Variants in BRSK1 observed in about 807,000 individuals in gnomAD.
The protein encoded by BRSK1 is serine/threonine-protein kinase BRSK1.
In BRSK1, 17 loss-of-function variants were observed where a neutral mutation model predicts 86.2. The observed-to-expected ratio is 0.20, with a 90% CI of 0.14 to 0.30. BRSK1 has a LOEUF of 0.30. Ranked by LOEUF, BRSK1 falls within the 10% of genes least tolerant of loss-of-function variation. The pLI is 1.00. For missense variants in BRSK1, 719 were observed against 1,071.9 expected (o/e 0.67, Z 4.60); for synonymous variants, 464 against 440.1 (o/e 1.05, Z -0.68).
Position 55,304,455 on chromosome 19 carries a change from C to G in BRSK1, c.1348-96C>G. ...TTGGACTACAAGTTGCAGCATGCAC[C>G]GGGCCAGCGTCCGTGAGTGTGCGTG... On this transcript the variant is annotated intron_variant, in intron 13 of 18. Coordinates refer to ENST00000309383, the MANE Select transcript of BRSK1 (RefSeq NM_032430.2). The surrounding 1 kb of genome is among the most constrained non-coding windows in gnomAD (Gnocchi z 5.2). The G allele has an allele frequency of 2.2e-6, 3 of 1,368,444 alleles. No homozygotes were observed. The highest frequency in any genetic ancestry group is 2.9e-6 in the Non-Finnish European group (3 of 1,031,134). The allele number at this position is 1,368,444 out of a possible 1,614,324, so 84.8% of individuals were successfully genotyped here.
In BRSK1 at chr19:55,312,190, T is replaced by G; in HGVS notation, c.*122T>G. Reference sequence around the variant, plus strand: ...GGGGGGTGGACACAAAAACCGGCCTTGCCCTGCAGGGATGGGGCTCCACAG... The same window carrying G: ...GGGGGGTGGACACAAAAACCGGCCTGGCCCTGCAGGGATGGGGCTCCACAG... On this transcript the variant is annotated 3_prime_UTR_variant, in exon 19 of 19. Coordinates refer to ENST00000309383, the MANE Select transcript of BRSK1 (RefSeq NM_032430.2). 2.0e-5 allele frequency: 10 copies of G among 510,006 alleles called. No homozygotes were observed. The highest frequency in any genetic ancestry group is 3.8e-5 in the Admixed American group (1 of 26,000). The allele number at this position is 510,006 out of a possible 1,614,324, so 31.6% of individuals were successfully genotyped here.
In BRSK1 at chr19:55,287,490, G is replaced by T. The variant is rs976643486; in HGVS notation, c.317+191G>T. Among the ~76,000 whole-genome samples the T allele has an allele frequency of 1.3e-5, 2 of 152,162 alleles. No homozygotes were observed. Among genetic ancestry groups the T allele is most frequent in the African/African-American group, 4.8e-5 (2 of 41,444 alleles). On this transcript the variant is annotated intron_variant, in intron 3 of 18. Transcript: ENST00000309383. This position sits in a 1 kb window ranked among gnomAD's most constrained non-coding sequence, Gnocchi z 5.3. ...ACACAGGGAACCCCACTGTTGTCAC[G>T]CTGTGTTGGGCCTGAGGCCAAGGGC...
chr19:55,295,689 C>T (rs553497387), intron 7 of BRSK1, among the ~76,000 whole-genome samples: 1 of 152,124 alleles, frequency 6.6e-6, no homozygotes. Context: ...ATAACCAGGC[C>T]GGGCACGGAG....
Position 55,284,318 on chromosome 19 carries a change from C to A in BRSK1, c.-125C>A. ...GGGCCAGCCCAGCCCCCTGGGGACC[C>A]CCGGAGAGGTGGGGGGCAGCCGGGG... is the stretch of plus-strand genomic sequence containing the variant. On this transcript the variant is annotated 5_prime_UTR_variant, in exon 1 of 19. Transcript: ENST00000309383. 1.2e-6 allele frequency: 1 copy of A among 815,332 alleles called. No individual in the cohort carries two copies. The highest frequency in any genetic ancestry group is 1.6e-6 in the Non-Finnish European group (1 of 607,474). The allele number at this position is 815,332 out of a possible 1,614,324, so 50.5% of individuals were successfully genotyped here.
Position 55,284,092 on chromosome 19 carries a change from G to C in BRSK1, c.-351G>C. On this transcript the variant is annotated 5_prime_UTR_variant, in exon 1 of 19. Coordinates refer to ENST00000309383, the MANE Select transcript of BRSK1 (RefSeq NM_032430.2). Reference sequence around the variant, plus strand: ...GAGGAGAGAGGGCGCGTGGGGGGGCGGGGGGGACCTCGGCCTGCAGCATCC... The same window carrying C: ...GAGGAGAGAGGGCGCGTGGGGGGGCCGGGGGGACCTCGGCCTGCAGCATCC... The C allele has an allele frequency of 4.4e-6, 2 of 450,050 alleles. No individual in the cohort carries two copies. The highest frequency in any genetic ancestry group is 7.2e-6 in the Non-Finnish European group (2 of 278,342). 27.9% of individuals were successfully genotyped at this position (450,050 alleles called of 1,614,324 possible). A position where few individuals can be genotyped will look rare whatever the true frequency, so the allele number is the denominator to read the frequency against.
In BRSK1 at chr19:55,300,602, G is replaced by C. The variant is rs531583039; in HGVS notation, c.679-910G>C. 2.0e-5 allele frequency among the ~76,000 whole-genome samples: 3 copies of C among 152,348 alleles called. 1 individual carries two copies. Among genetic ancestry groups the C allele is most frequent in the Admixed American group, 2.0e-4 (3 of 15,304 alleles). On this transcript the variant is annotated intron_variant, in intron 7 of 18. Coordinates refer to ENST00000309383, the MANE Select transcript of BRSK1 (RefSeq NM_032430.2). Reference sequence around the variant, plus strand: ...GCCTGTAATCCCAGCACTTTGGGAGGCTGAGGCAGGTGGATCACTTGAGGT... The same window carrying C: ...GCCTGTAATCCCAGCACTTTGGGAGCCTGAGGCAGGTGGATCACTTGAGGT...
At chr19:55,288,121 G>C (rs1474126319) in intron 3 of BRSK1, 1 of 152,268 alleles carries the variant, frequency 6.6e-6, no homozygotes, top group Non-Finnish European at 1.5e-5. Flanking sequence ...TCTTGGCGTA[G>C]GGAGGCAGGG....
rs1305087528 is a variant in BRSK1 at position 55,302,059 on chromosome 19, C to A, written c.826-78C>A. ...GGGGAGATGATCAGGGACCCCAAAA[C>A]CACCCCAGTCTTTCATTGCGCGCCT... On this transcript the variant is annotated intron_variant, in intron 8 of 18. Coordinates refer to ENST00000309383, the MANE Select transcript of BRSK1 (RefSeq NM_032430.2). This position sits in a 1 kb window ranked among gnomAD's most constrained non-coding sequence, Gnocchi z 6.3. 6.4e-7 allele frequency: 1 copy of A among 1,552,534 alleles called. No homozygotes were observed.
chr19:55,285,220 CA>C (rs2088292828), intron 1 of BRSK1, among the ~76,000 whole-genome samples: 1 of 142,134 alleles, frequency 7.0e-6, no homozygotes, highest in Non-Finnish European at 1.6e-5. Context: ...GGAGGAGGGG[CA>C]GGGGTGCTGA....
rs73605106 is a variant in BRSK1, at chr19:55,286,380, G to A, written c.137-627G>A. Among the ~76,000 whole-genome samples, 1,086 of 151,822 alleles carry A rather than the reference G, an allele frequency of 7.2e-3. 11 individuals carry two copies. The highest frequency in any genetic ancestry group is 0.025 in the African/African-American group (1,031 of 41,338). On this transcript the variant is annotated intron_variant, in intron 1 of 18. Coordinates refer to ENST00000309383, the MANE Select transcript of BRSK1 (RefSeq NM_032430.2). ...GAGGAGAGGTGTGGGCTAGGAGACC[G>A]GACATACCCTTGGTGTCTGTGTGCT...
intron 14 of BRSK1, 125 bp from the exon 15 acceptor site, chr19:55,305,196 G>T: frequency 7.4e-7 from 1 of 1,351,776 alleles, no homozygotes; most frequent in Non-Finnish European, 1.0e-6. Context: ...GCCCAGGAGG[G>T]ATGGCTTGGC....
Position 55,303,035 on chromosome 19 carries a change from G to A in BRSK1, c.1028+168G>A, listed in dbSNP as rs189108034. On this transcript the variant is annotated intron_variant, in intron 10 of 18. Transcript: ENST00000309383. The surrounding 1 kb of genome is among the most constrained non-coding windows in gnomAD (Gnocchi z 5.1). ...AGCGGAGAAAACGGCCCAGAAACAC[G>A]CTGAGAAAGTATTAATAGATGCTGC... 6.2e-6 allele frequency: 5 copies of A among 807,630 alleles called. No individual in the cohort carries two copies. Among genetic ancestry groups the A allele is most frequent in the Non-Finnish European group, 9.6e-6 (5 of 523,206 alleles). The allele number at this position is 807,630 out of a possible 1,614,324, so 50.0% of individuals were successfully genotyped here. A position where few individuals can be genotyped will look rare whatever the true frequency, so the allele number is the denominator to read the frequency against.
In BRSK1 at chr19:55,287,050, C is replaced by T. The variant is rs770957118; in HGVS notation, c.180C>T (p.Val60=). 7.4e-6 allele frequency: 12 copies of T among 1,613,604 alleles called. No homozygotes were observed. The highest frequency in any genetic ancestry group is 4.0e-5 in the African/African-American group (3 of 74,746). The change falls in exon 2 of 19, where the codon GTC becomes GTT. Residue 60 remains valine (V), a synonymous_variant. Coordinates refer to ENST00000309383, the MANE Select transcript of BRSK1 (RefSeq NM_032430.2). This position sits in a 1 kb window ranked among gnomAD's most constrained non-coding sequence, Gnocchi z 5.3. The part of the protein sequence containing the change: ...LGVHCITGQK[V]AIKIVNREKL... ...TCCACTGCATCACGGGTCAGAAGGT[C>T]GCCATCAAGATCGTGAACCGGGAGA...
At position 55,304,250 on chromosome 19, in the gene BRSK1, T is replaced by G; in HGVS notation, c.1347+140T>G. 5.4e-6 allele frequency: 5 copies of G among 929,266 alleles called. No homozygotes were observed. The highest frequency in any genetic ancestry group is 7.9e-6 in the Non-Finnish European group (5 of 631,974). 57.6% of individuals were successfully genotyped at this position (929,266 alleles called of 1,614,324 possible). A position where few individuals can be genotyped will look rare whatever the true frequency, so the allele number is the denominator to read the frequency against. The stretch of plus-strand genomic sequence containing the variant: ...CCTGGAGGGCCAAAGACCCAAGGCC[T>G]CCAAAGTATTTTGGTCCATTGGCCA... On this transcript the variant is annotated intron_variant, in intron 13 of 18. Coordinates refer to ENST00000309383, the MANE Select transcript of BRSK1 (RefSeq NM_032430.2). This position sits in a 1 kb window ranked among gnomAD's most constrained non-coding sequence, Gnocchi z 5.2.
At position 55,304,030 on chromosome 19, in the gene BRSK1, T is replaced by A. The variant is rs900919172; in HGVS notation, c.1287-20T>A. The A allele has an allele frequency of 9.9e-5, 157 of 1,586,966 alleles. No homozygotes were observed. The highest frequency in any genetic ancestry group is 1.3e-4 in the East Asian group (6 of 44,648). ...ACCCTCCCATCTGATTTTTTTTTTT[T>A]AAATCTATCCTGGAAACAGATCCCG... On this transcript the variant is annotated intron_variant, in intron 12 of 18. Coordinates refer to ENST00000309383, the MANE Select transcript of BRSK1 (RefSeq NM_032430.2). This position sits in a 1 kb window ranked among gnomAD's most constrained non-coding sequence, Gnocchi z 5.2.
Position 55,287,571 on chromosome 19 carries a change from G to T in BRSK1, c.317+272G>T, listed in dbSNP as rs2088337592. 6.6e-6 allele frequency among the ~76,000 whole-genome samples: 1 copy of T among 152,230 alleles called. No individual in the cohort carries two copies. The highest frequency in any genetic ancestry group is 2.1e-4 in the South Asian group (1 of 4,834). Reference sequence around the variant, plus strand: ...GCTCCTCGCCCTGTGGCACTGCATGGAATGCGCTCTGCTAGACAAGCAGGG... The same window carrying T: ...GCTCCTCGCCCTGTGGCACTGCATGTAATGCGCTCTGCTAGACAAGCAGGG... On this transcript the variant is annotated intron_variant, in intron 3 of 18. Coordinates refer to ENST00000309383, the MANE Select transcript of BRSK1 (RefSeq NM_032430.2). The surrounding 1 kb of genome is among the most constrained non-coding windows in gnomAD (Gnocchi z 5.3).
At chr19:55,288,071 G>C (rs1034051846) in intron 3 of BRSK1, 2 of 153,008 alleles carry the variant, frequency 1.3e-5, no homozygotes, top group South Asian at 2.1e-4. Flanking sequence ...GGTAGGGAGG[G>C]GCTATTGTCC....
Position 55,284,211 on chromosome 19 carries a change from C to A in BRSK1, c.-232C>A. The stretch of plus-strand genomic sequence containing the variant: ...CTGGGGAGGGGGGGCCCCGCAGCCC[C>A]CCTGGGCCATGCTGACTCCCGGGGC... On this transcript the variant is annotated 5_prime_UTR_variant, in exon 1 of 19. Coordinates refer to ENST00000309383, the MANE Select transcript of BRSK1 (RefSeq NM_032430.2). The A allele has an allele frequency of 1.4e-6, 1 of 718,536 alleles. No homozygotes were observed. The highest frequency in any genetic ancestry group is 1.9e-6 in the Non-Finnish European group (1 of 521,616). 44.5% of individuals were successfully genotyped at this position (718,536 alleles called of 1,614,324 possible). A position where few individuals can be genotyped will look rare whatever the true frequency, so the allele number is the denominator to read the frequency against.
Position 55,308,691 on chromosome 19 carries a change from G to A in BRSK1, c.2142G>A (p.Leu714=). The A allele has an allele frequency of 6.2e-7, 1 of 1,605,876 alleles. No homozygotes were observed. The highest frequency in any genetic ancestry group is 8.5e-7 in the Non-Finnish European group (1 of 1,176,582). ...RVVETIQAQL[L]STHDQPSVQA... ...TGGAGACCATCCAGGCACAGCTCCT[G>A]AGCACTCATGACCAGCCCTCCGTGC... is the stretch of plus-strand genomic sequence containing the variant. The change falls in exon 18 of 19, where the codon CTG becomes CTA. Residue 714 remains leucine (L), a synonymous_variant. Transcript: ENST00000309383.
Sources: allele counts gnomAD v4.1 joint callset (sites outside exome capture counted in the v4.1 genomes callset), GRCh38; gene constraint gnomAD v4.1.1; non-coding constraint Gnocchi (gnomAD v3.1); transcripts MANE v1.5; gene names NCBI Gene and HGNC (gene_info 2026-07-23, HGNC 2026-07-21).